Variants in MRPS27 observed in about 807,000 individuals in gnomAD.
MRPS27 encodes the protein small ribosomal subunit protein mS27.
Under a neutral mutation model 48.9 loss-of-function variants are expected in MRPS27, and 43 were observed. The ratio of observed to expected loss-of-function variants is 0.88; its 90% confidence interval spans 0.69 to 1.13. The LOEUF is 1.13. Among genes scored for constraint, MRPS27 ranks in the 50% most tolerant of loss-of-function variants. MRPS27 has a pLI of 0.00. For missense variants in MRPS27, 467 were observed against 476.3 expected, an observed-to-expected ratio of 0.98 and a Z score of 0.18; for synonymous variants, 188 against 171.9, an observed-to-expected ratio of 1.09 and a Z score of -0.73.
At chr5:72,299,579 T>A (rs930357205) in intron 2 of MRPS27, among the ~76,000 whole-genome samples, 1 of 152,262 alleles carries the variant, frequency 6.6e-6, no homozygotes, top group Non-Finnish European at 1.5e-5. Flanking sequence ...CAAGTGACTT[T>A]TATACCTACC....
intron 4 of MRPS27, among the ~76,000 whole-genome samples, chr5:72,293,955 C>T (rs187977924): frequency 1.3e-5 from 2 of 152,234 alleles, no homozygotes; most frequent in Admixed American, 1.3e-4. Flanking sequence ...TAAAGGAAGG[C>T]AGGGCCACCT....
intron 4 of MRPS27, among the ~76,000 whole-genome samples, chr5:72,259,339 A>T (rs993828899): frequency 6.6e-6 from 1 of 151,944 alleles, no homozygotes; most frequent in African/African-American, 2.4e-5. Context: ...ATGGTGGTGC[A>T]TGCTTGTAAT....
At chr5:72,306,317 A>T (rs771515221) in intron 2 of MRPS27, among the ~76,000 whole-genome samples, 2 of 152,246 alleles carry the variant, frequency 1.3e-5, no homozygotes, top group Non-Finnish European at 2.9e-5. Flanking sequence ...ATGGCCTTTA[A>T]CTTCGCAGAG....
Position 72,220,963 on chromosome 5 carries a change from C to T in MRPS27, c.1191G>A (p.Arg397=). 6.2e-7 allele frequency: 1 copy of T among 1,614,172 alleles called. No individual in the cohort carries two copies. The highest frequency in any genetic ancestry group is 1.1e-5 in the South Asian group (1 of 91,084). ...VQLIQREQQQ[R]EQAKQEYQAQ... The stretch of plus-strand genomic sequence containing the variant: ...CCTGGTACTCCTGCTTCGCTTGCTC[C>T]CTCTGTTGCTGTTCTCTCTGGATCA... The change falls in exon 11 of 11, where the codon AGG becomes AGA. Residue 397 remains arginine (R), a synonymous_variant. Coordinates refer to ENST00000261413, the MANE Select transcript of MRPS27 (RefSeq NM_015084.3).
chr5:72,272,740 C>A (rs907026435), intron 4 of MRPS27, among the ~76,000 whole-genome samples: 1 of 152,108 alleles, frequency 6.6e-6, no homozygotes, highest in African/African-American at 2.4e-5. Context: ...GTACTGGAGA[C>A]TCCTGACACA....
chr5:72,279,773 T>C (rs991356065), intron 4 of MRPS27, among the ~76,000 whole-genome samples: 1 of 152,124 alleles, frequency 6.6e-6, no homozygotes, highest in South Asian at 2.1e-4. Flanking sequence ...TGTGTCTTGT[T>C]CAAAAAAAAA....
chr5:72,278,481 C>T (rs1749443228), intron 4 of MRPS27, among the ~76,000 whole-genome samples: 1 of 150,572 alleles, frequency 6.6e-6, no homozygotes, highest in African/African-American at 2.4e-5. Flanking sequence ...GTCTGTCATA[C>T]TTGAGATTTT....
chr5:72,301,346 A>C (rs931825151), intron 2 of MRPS27, among the ~76,000 whole-genome samples: 1 of 152,224 alleles, frequency 6.6e-6, no homozygotes, highest in Non-Finnish European at 1.5e-5. Context: ...ACTTAATAGC[A>C]TTAAATCTAC....
chr5:72,313,030 G>A (rs1750480506), intron 2 of MRPS27, among the ~76,000 whole-genome samples: 1 of 152,280 alleles, frequency 6.6e-6, no homozygotes, highest in East Asian at 1.9e-4. Context: ...AGGCTACCCT[G>A]GGCCTCTTAT....
intron 4 of MRPS27, among the ~76,000 whole-genome samples, chr5:72,273,881 G>C (rs746473668): frequency 6.6e-6 from 1 of 152,114 alleles, no homozygotes; most frequent in Non-Finnish European, 1.5e-5. Flanking sequence ...TCCTGTAACT[G>C]TTTTACTTTA....
chr5:72,269,463 G>T (rs568414284), intron 4 of MRPS27, among the ~76,000 whole-genome samples: 19 of 152,324 alleles, frequency 1.2e-4, no homozygotes, highest in African/African-American at 3.8e-4. Flanking sequence ...TGGAGGCTGA[G>T]CAAAGAATTG....
chr5:72,255,607 A>G (rs1259295584), intron 4 of MRPS27, among the ~76,000 whole-genome samples: 1 of 152,198 alleles, frequency 6.6e-6, no homozygotes, highest in Non-Finnish European at 1.5e-5. Flanking sequence ...GAACTCTTAC[A>G]TTATTTTAGT....
At chr5:72,315,931 T>A (rs1750553322) in intron 1 of MRPS27, among the ~76,000 whole-genome samples, 2 of 152,238 alleles carry the variant, frequency 1.3e-5, no homozygotes, top group Non-Finnish European at 2.9e-5. Context: ...AAACAAATGT[T>A]CACAGTAGTA....
intron 2 of MRPS27, among the ~76,000 whole-genome samples, chr5:72,309,246 CTA>C (rs1750369826): frequency 6.6e-6 from 1 of 151,592 alleles, no homozygotes; most frequent in African/African-American, 2.4e-5. Context: ...ACAAATGTCT[CTA>C]TGTGATATTT....
intron 4 of MRPS27, among the ~76,000 whole-genome samples, chr5:72,253,439 A>G (rs1332880121): frequency 6.6e-6 from 1 of 152,234 alleles, no homozygotes; most frequent in Non-Finnish European, 1.5e-5. Flanking sequence ...ACATTCAAAT[A>G]TATTTCAGCA....
intron 1 of MRPS27, among the ~76,000 whole-genome samples, chr5:72,318,429 A>T (rs1010306252): frequency 6.6e-5 from 10 of 152,224 alleles, no homozygotes; most frequent in Admixed American, 2.6e-4. Context: ...TAGCATAAGT[A>T]ATCACCTTTC....
intron 2 of MRPS27, among the ~76,000 whole-genome samples, chr5:72,301,299 A>T (rs907856621): frequency 3.3e-5 from 5 of 152,234 alleles, no homozygotes; most frequent in Admixed American, 6.5e-5. Context: ...GCAAAATAAA[A>T]ACAAAAAAGT....
At chr5:72,293,571 T>G (rs1157460007) in intron 4 of MRPS27, among the ~76,000 whole-genome samples, 1 of 152,154 alleles carries the variant, frequency 6.6e-6, no homozygotes, top group Non-Finnish European at 1.5e-5. Flanking sequence ...TAGAAGGTCT[T>G]AAAAACAGAA....
chr5:72,262,394 A>G lies in MRPS27; in HGVS notation c.282-24266T>C, dbSNP rs75581766. ...TGTCTTACAGCATCCCCTTCCCCAGAAAAAAACCCATAAAAACCCAAACAA... is the reference window on the plus strand; with the variant it reads ...TGTCTTACAGCATCCCCTTCCCCAGGAAAAAACCCATAAAAACCCAAACAA... On this transcript the variant is annotated intron_variant, in intron 4 of 10. Coordinates refer to ENST00000261413, the MANE Select transcript of MRPS27 (RefSeq NM_015084.3). Among the ~76,000 whole-genome samples the G allele has an allele frequency of 1.1e-4, 17 of 152,188 alleles. 1 individual carries two copies. The South Asian group carries it at 3.3e-3, about 30-fold the overall frequency.
Sources: allele counts gnomAD v4.1 joint callset (sites outside exome capture counted in the v4.1 genomes callset), GRCh38; gene constraint gnomAD v4.1.1; transcripts MANE v1.5; gene names NCBI Gene and HGNC (gene_info 2026-07-23, HGNC 2026-07-21).